CACNA1H: variants seen among roughly 807,000 people sequenced by gnomAD.
CACNA1H encodes voltage-dependent T-type calcium channel subunit alpha-1H.
In CACNA1H, 149 loss-of-function variants were observed where a neutral mutation model predicts 192.5. The observed-to-expected ratio is 0.77, with a 90% confidence interval of 0.68 to 0.89. The LOEUF is 0.89. Ranked by LOEUF, CACNA1H falls within the 40% of genes least tolerant of loss-of-function variation. CACNA1H has a pLI of 0.00. For missense variants in CACNA1H, 4,257 were observed against 3,423.5 expected (o/e 1.24, Z -6.08); for synonymous variants, 2,202 against 1,475.2 (o/e 1.49, Z -11.29).
chr16:1,177,107 C>T (rs372845947), intron 2 of CACNA1H, among the ~76,000 whole-genome samples: 4 of 152,226 alleles, frequency 2.6e-5, no homozygotes, highest in Admixed American at 1.3e-4. Flanking sequence ...AGGCTGCCAC[C>T]TTCAGGTGTC....
chr16:1,180,092 T>C lies in CACNA1H; in HGVS notation c.300-14880T>C, dbSNP rs1447526669. Reference sequence around the variant, plus strand: ...GGGTGATACTGAGGGGGCCGGGCTCTGCAGGCACAGGGCTGAGGGGCGTCG... The same window carrying C: ...GGGTGATACTGAGGGGGCCGGGCTCCGCAGGCACAGGGCTGAGGGGCGTCG... On this transcript the variant is annotated intron_variant, in intron 2 of 34. Coordinates refer to ENST00000348261, the MANE Select transcript of CACNA1H (RefSeq NM_021098.3). This position sits in a 1 kb window ranked among gnomAD's most constrained non-coding sequence, Gnocchi z 4.4. Among the ~76,000 whole-genome samples the C allele has an allele frequency of 6.6e-6, 1 of 152,206 alleles. No individual in the cohort carries two copies. The highest frequency in any genetic ancestry group is 1.5e-5 in the Non-Finnish European group (1 of 68,036).
rs1269520949 is a variant in CACNA1H at position 1,212,487 on chromosome 16, C to G, written c.4760-24C>G. On this transcript the variant is annotated intron_variant, in intron 25 of 34. Coordinates refer to ENST00000348261, the MANE Select transcript of CACNA1H (RefSeq NM_021098.3). The stretch of plus-strand genomic sequence containing the variant: ...CCGAGTGCGCCACGCCCTCGGCCCT[C>G]AGACCATCTCCTTGTCTTTCCAGGC... 9 of 1,609,184 alleles carry G rather than the reference C, an allele frequency of 5.6e-6. No individual in the cohort carries two copies. The African/African-American group carries it at 8.0e-5, about 14-fold the overall frequency.
chr16:1,200,172 C>T (rs540945330), intron 6 of CACNA1H, 84 bp from the exon 7 acceptor site: 22 of 1,120,286 alleles, frequency 2.0e-5, no homozygotes, highest in Middle Eastern at 4.0e-4. Context: ...ACCTTGATCA[C>T]GTCCCTGATC....
In CACNA1H at chr16:1,220,749, C is replaced by G. The variant is rs201577113; in HGVS notation, c.6817C>G (p.Leu2273Val). The change falls in exon 35 of 35, where the codon CTC (leucine) becomes GTC (valine). Residue 2273 changes from leucine (L) to valine (V), a missense_variant. Transcript: ENST00000348261. ...VPSFAFEPLD[L>V]GVPSGDPFLD... is the part of the protein sequence containing the mutation. ...CAGCTTTGCCTTTGAGCCGCTGGAC[C>G]TCGGGGTCCCCAGTGGAGACCCTTT... 3.1e-6 allele frequency: 5 copies of G among 1,612,512 alleles called. No individual in the cohort carries two copies. Among genetic ancestry groups the G allele is most frequent in the Admixed American group, 3.3e-5 (2 of 60,010 alleles).
At chr16:1,210,678 T>C in intron 20 of CACNA1H, 27 bp downstream of exon 20, 1 of 1,595,994 alleles carries the variant, frequency 6.3e-7, no homozygotes, top group South Asian at 1.1e-5. Flanking sequence ...GGACTGCCCT[T>C]GTTCCCAGGT....
chr16:1,198,816 C>G (rs772622094), intron 6 of CACNA1H, 42 bp downstream of exon 6: 3 of 1,571,228 alleles, frequency 1.9e-6, no homozygotes, highest in Non-Finnish European at 2.6e-6. Flanking sequence ...CCCAGATGGC[C>G]CTGCCCACCA....
At chr16:1,192,110 C>T (rs979031025) in intron 2 of CACNA1H, among the ~76,000 whole-genome samples, 3 of 152,214 alleles carry the variant, frequency 2.0e-5, no homozygotes, top group Non-Finnish European at 4.4e-5. Flanking sequence ...CTCACTGGAG[C>T]CACACCCCTG....
chr16:1,214,335 A>G (rs972383197), intron 27 of CACNA1H, among the ~76,000 whole-genome samples: 5 of 152,210 alleles, frequency 3.3e-5, no homozygotes, highest in South Asian at 2.1e-4. Flanking sequence ...CTTTTAGAAG[A>G]AGGAGGTAGC....
intron 2 of CACNA1H, among the ~76,000 whole-genome samples, chr16:1,178,249 G>T (rs914615183): frequency 8.9e-6 from 1 of 112,196 alleles, no homozygotes; most frequent in Non-Finnish European, 1.8e-5. Context: ...CTCCTGCCCC[G>T]GCTCCTTGGA....
rs1385626508 is a variant in CACNA1H at position 1,193,261 on chromosome 16, T to TTGCTTC, written c.300-1708_300-1707insTTCTGC. Among the ~76,000 whole-genome samples, 5 of 152,348 alleles carry TTGCTTC rather than the reference T, an allele frequency of 3.3e-5. No homozygotes were observed. The East Asian group carries it at 9.7e-4, about 29-fold the overall frequency. On this transcript the variant is annotated intron_variant, in intron 2 of 34. Transcript: ENST00000348261. The stretch of plus-strand genomic sequence containing the variant: ...AGCCACCCCCGCAGAAAGGTGCTAT[T>TTGCTTC]TGCGGCAGTTAGGGGACAAAGGTGC...
In CACNA1H at chr16:1,211,540, G is replaced by A. The variant is rs909381456; in HGVS notation, c.4410G>A (p.Lys1470=). 1 of 1,612,474 alleles carries A rather than the reference G, an allele frequency of 6.2e-7. No homozygotes were observed. Among genetic ancestry groups the A allele is most frequent in the South Asian group, 1.1e-5 (1 of 91,084 alleles). The change falls in exon 23 of 35, where the codon AAG becomes AAA. Residue 1470 remains lysine (K), a synonymous_variant. Coordinates refer to ENST00000348261, the MANE Select transcript of CACNA1H (RefSeq NM_021098.3). ...EGPDTRNIST[K]AQCRAAHYRW... ...CCGACACCAGGAACATCTCCACCAA[G>A]GCACAGTGCCGGGCCGCCCACTACC...
chr16:1,163,824 G>A (rs960382978), intron 2 of CACNA1H, among the ~76,000 whole-genome samples: 3 of 152,218 alleles, frequency 2.0e-5, no homozygotes, highest in Non-Finnish European at 2.9e-5. Context: ...GAGAGGCCCC[G>A]GGATGCCACC....
Position 1,201,726 on chromosome 16 carries a change from A to AAGCAGCGGGAGAGTCAGCTGATGCGGG in CACNA1H, c.1286_1312dup (p.Glu429_Arg437dup). 1 of 1,610,556 alleles carries AAGCAGCGGGAGAGTCAGCTGATGCGGG rather than the reference A, an allele frequency of 6.2e-7. No homozygotes were observed. Among genetic ancestry groups the AAGCAGCGGGAGAGTCAGCTGATGCGGG allele is most frequent in the Non-Finnish European group, 8.5e-7 (1 of 1,178,744 alleles). ...GATTGCCACGCAGTTCTCGGAGACG[A>AAGCAGCGGGAGAGTCAGCTGATGCGGG]AGCAGCGGGAGAGTCAGCTGATGCG... On this transcript the variant is annotated inframe_insertion, in exon 9 of 35. Coordinates refer to ENST00000348261, the MANE Select transcript of CACNA1H (RefSeq NM_021098.3).
chr16:1,210,348 T>TCCCCCCCCCCCC, intron 18 of CACNA1H, 22 bp from the exon 19 acceptor site: 5 of 277,476 alleles, frequency 1.8e-5, no homozygotes, highest in South Asian at 6.2e-5. Flanking sequence ...GCCCCACCTC[T>TCCCCCCCCCCCC]CACCCGCCCC....
rs1970273640 is a variant in CACNA1H, at chr16:1,219,107, C to G, written c.6025C>G (p.Leu2009Val). Residue 2009 changes from leucine to valine, a missense_variant, in exon 34 of 35, where the codon CTC becomes GTC. Physicochemically the swap from Leu to Val is conservative, Grantham distance 32. Transcript: ENST00000348261. The stretch of plus-strand genomic sequence containing the variant: ...TCGGGGCACAGCCCGCTCCCCCAGT[C>G]TCAGCCGGCTGCTCTGCAGACAGGT... ...SPRGTARSPS[L>V]SRLLCRQEAV... is the part of the protein sequence containing the mutation. 1 of 1,544,476 alleles carries G rather than the reference C, an allele frequency of 6.5e-7. No individual in the cohort carries two copies. Among genetic ancestry groups the G allele is most frequent in the Admixed American group, 2.0e-5 (1 of 50,732 alleles).
chr16:1,197,499 G>A (rs988137992), intron 5 of CACNA1H, among the ~76,000 whole-genome samples: 1 of 152,224 alleles, frequency 6.6e-6, no homozygotes, highest in Non-Finnish European at 1.5e-5. Flanking sequence ...CTGTCTCTAG[G>A]AGAGAACTAG....
intron 8 of CACNA1H, among the ~76,000 whole-genome samples, chr16:1,201,204 G>C (rs1333013541): frequency 6.6e-6 from 1 of 152,142 alleles, no homozygotes; most frequent in Non-Finnish European, 1.5e-5. Context: ...GGTATACCTA[G>C]AGCCACCCTG....
rs879684846 is a variant in CACNA1H, at chr16:1,212,402, G to A, written c.4760-109G>A. On this transcript the variant is annotated intron_variant, in intron 25 of 34. Coordinates refer to ENST00000348261, the MANE Select transcript of CACNA1H (RefSeq NM_021098.3). ...GTTCCCCACCGAGTCCTCACTCCAC[G>A]AGGAGCCAGCACAGCCCCCGAGACA... 3.2e-5 allele frequency: 39 copies of A among 1,224,386 alleles called. 1 individual carries two copies. Among genetic ancestry groups the A allele is most frequent in the Non-Finnish European group, 3.9e-5 (34 of 864,040 alleles). 75.8% of individuals were successfully genotyped at this position (1,224,386 alleles called of 1,614,324 possible).
intron 2 of CACNA1H, among the ~76,000 whole-genome samples, chr16:1,176,267 G>A (rs535383580): frequency 1.7e-4 from 26 of 152,340 alleles, no homozygotes; most frequent in Middle Eastern, 3.4e-3. Context: ...ATTAGTGCCC[G>A]ACGGGGCATC....
Sources: allele counts gnomAD v4.1 joint callset (sites outside exome capture counted in the v4.1 genomes callset), GRCh38; gene constraint gnomAD v4.1.1; non-coding constraint Gnocchi (gnomAD v3.1); transcripts MANE v1.5; gene names NCBI Gene and HGNC (gene_info 2026-07-23, HGNC 2026-07-21).